TTC28: variants seen among roughly 807,000 people sequenced by gnomAD.
TTC28 encodes the protein tetratricopeptide repeat domain 28.
A neutral mutation model predicts 198.0 loss-of-function variants in TTC28; 61 were observed. That is an observed-to-expected ratio of 0.31 (90% CI 0.25 to 0.38). The LOEUF (loss-of-function observed/expected upper bound fraction) is 0.38, where lower values mean the gene tolerates loss of function less well. Among genes scored for constraint, TTC28 ranks in the 10% least tolerant of loss-of-function variants. The pLI is 1.00. For synonymous variants in TTC28, 1,171 were observed against 1,297.8 expected (o/e 0.90, Z 2.10); for missense variants, 2,678 against 3,164.0 (o/e 0.85, Z 3.69).
At chr22:28,347,263 CAA>C (rs2045917792) in intron 2 of TTC28, among the ~76,000 whole-genome samples, 1 of 108,558 alleles carries the variant, frequency 9.2e-6, no homozygotes, top group African/African-American at 3.3e-5. Flanking sequence ...GACCCTGTCT[CAA>C]AAGAGGAAAA....
chr22:28,278,901 C>CCT (rs1195026428), intron 5 of TTC28, among the ~76,000 whole-genome samples: 3 of 152,128 alleles, frequency 2.0e-5, no homozygotes, highest in African/African-American at 7.2e-5. Flanking sequence ...GGGGTACGTA[C>CCT]AGCCAGGAAA....
At chr22:28,614,533 AC>A (rs2050870461) in intron 2 of TTC28, among the ~76,000 whole-genome samples, 1 of 152,222 alleles carries the variant, frequency 6.6e-6, no homozygotes, top group African/African-American at 2.4e-5. Flanking sequence ...ACACTACCTG[AC>A]TTCAAACTAT....
At chr22:28,676,639 G>A (rs939363828) in intron 1 of TTC28, among the ~76,000 whole-genome samples, 7 of 151,566 alleles carry the variant, frequency 4.6e-5, no homozygotes, top group East Asian at 3.9e-4. Flanking sequence ...CTTCTTCAGC[G>A]CAATCTCAAG....
At chr22:28,463,168 A>G (rs1568959590) in intron 2 of TTC28, among the ~76,000 whole-genome samples, 1 of 152,236 alleles carries the variant, frequency 6.6e-6, no homozygotes, top group South Asian at 2.1e-4. Flanking sequence ...GTTGAAAGAA[A>G]CAGAGCTGGA....
chr22:28,572,078 A>G (rs1293015409), intron 2 of TTC28, among the ~76,000 whole-genome samples: 1 of 152,106 alleles, frequency 6.6e-6, no homozygotes, highest in East Asian at 1.9e-4. Flanking sequence ...TCATGCCTGT[A>G]ATCCCAACAC....
At chr22:28,425,548 A>G (rs894931776) in intron 2 of TTC28, among the ~76,000 whole-genome samples, 7 of 152,322 alleles carry the variant, frequency 4.6e-5, no homozygotes, top group Admixed American at 3.9e-4. Flanking sequence ...ACCCTCTCTG[A>G]TATATTGAAT....
intron 3 of TTC28, among the ~76,000 whole-genome samples, chr22:28,306,162 A>G (rs2045140740): frequency 6.6e-6 from 1 of 152,176 alleles, no homozygotes; most frequent in Non-Finnish European, 1.5e-5. Flanking sequence ...GAATTACAGA[A>G]TTTCAGACTA....
chr22:28,205,334 A>G (rs1926310955), intron 5 of TTC28, among the ~76,000 whole-genome samples: 1 of 151,988 alleles, frequency 6.6e-6, no homozygotes, highest in African/African-American at 2.4e-5. Flanking sequence ...TCTATGGCCT[A>G]TTTTTCCCAG....
At position 27,983,727 on chromosome 22, in the gene TTC28, G is replaced by C. The variant is rs61739455; in HGVS notation, c.5940C>G (p.Thr1980=). The change falls in exon 23 of 23, where the codon ACC becomes ACG. Residue 1980 remains threonine (T), a synonymous_variant. Coordinates refer to ENST00000397906, the MANE Select transcript of TTC28 (RefSeq NM_001145418.2). ...LGYQQPPFSP[T]GADSIASDAI... is the part of the protein sequence containing the mutation. ...CATCTGAGGCGATGCTGTCCGCACC[G>C]GTGGGAGAGAAGGGGGGTTGCTGGT... 2 of 1,551,588 alleles carry C rather than the reference G, an allele frequency of 1.3e-6. No homozygotes were observed. Among genetic ancestry groups the C allele is most frequent in the Non-Finnish European group, 1.7e-6 (2 of 1,146,944 alleles).
intron 5 of TTC28, among the ~76,000 whole-genome samples, chr22:28,179,273 C>T (rs1487621376): frequency 6.6e-6 from 1 of 151,710 alleles, no homozygotes; most frequent in Non-Finnish European, 1.5e-5. Flanking sequence ...GATTCTCCTG[C>T]CTCAACCTCC....
chr22:28,506,423 C>T (rs1056740832), intron 2 of TTC28, among the ~76,000 whole-genome samples: 1 of 152,162 alleles, frequency 6.6e-6, no homozygotes, highest in Non-Finnish European at 1.5e-5. Context: ...TGGGACAGAG[C>T]TCCCGGGGGG....
At chr22:28,157,548 C>A (rs1329602283) in intron 6 of TTC28, among the ~76,000 whole-genome samples, 2 of 152,010 alleles carry the variant, frequency 1.3e-5, no homozygotes, top group Non-Finnish European at 2.9e-5. Flanking sequence ...ACTAGCAAAC[C>A]AAATTCAACA....
chr22:28,370,501 AAACT>A (rs1300119751), intron 2 of TTC28, among the ~76,000 whole-genome samples: 2 of 152,218 alleles, frequency 1.3e-5, no homozygotes, highest in Non-Finnish European at 2.9e-5. Flanking sequence ...TTTTACATAA[AAACT>A]ATTCTATATC....
chr22:28,347,738 GGCAGACCACCTGTAATCCCAGCTACT>G (rs1474550819), intron 2 of TTC28, among the ~76,000 whole-genome samples: 3 of 152,260 alleles, frequency 2.0e-5, no homozygotes, highest in Admixed American at 2.0e-4. Context: ...CAGGTGTGGT[GGCAGACCACCTGTAATCCCAGCTACT>G]CAAGTGGCTG....
At chr22:28,147,359 CT>C (rs1471513116) in intron 6 of TTC28, among the ~76,000 whole-genome samples, 2 of 152,108 alleles carry the variant, frequency 1.3e-5, no homozygotes, top group African/African-American at 4.8e-5. Flanking sequence ...ACGTTTCCAC[CT>C]TGCATTAGGT....
intron 17 of TTC28, among the ~76,000 whole-genome samples, chr22:27,995,152 C>T (rs994245632): frequency 2.6e-4 from 40 of 152,214 alleles, no homozygotes; most frequent in African/African-American, 8.0e-4. Flanking sequence ...GCCCAACCCA[C>T]GGGCAAGAAG....
chr22:28,234,718 G>A (rs531594323), intron 5 of TTC28, among the ~76,000 whole-genome samples: 5 of 152,260 alleles, frequency 3.3e-5, no homozygotes, highest in African/African-American at 1.2e-4. Context: ...GAGAAGCTGA[G>A]ATCCCTTGGA....
chr22:28,028,826 T>C (rs1938951201), intron 13 of TTC28: 2 of 358,772 alleles, frequency 5.6e-6, no homozygotes, highest in Non-Finnish European at 1.1e-5. Context: ...TATTTATACA[T>C]TGGCTCCTTT....
At position 27,978,323 on chromosome 22, in the gene TTC28, CA is replaced by C. The variant is rs1458870547; in HGVS notation, c.*3897del. 1 of 152,234 alleles carries C rather than the reference CA, an allele frequency of 6.6e-6. No homozygotes were observed. Among genetic ancestry groups the C allele is most frequent in the Non-Finnish European group, 1.5e-5 (1 of 68,054 alleles). 9.4% of individuals were successfully genotyped at this position (152,234 alleles called of 1,614,324 possible). A position where few individuals can be genotyped will look rare whatever the true frequency, so the allele number is the denominator to read the frequency against. ...AAACAAGGGCCCAGTTCACAAACCA[CA>C]GGTACACTCATTTTAGATAGAACAG... On this transcript the variant is annotated 3_prime_UTR_variant, in exon 23 of 23. Coordinates refer to ENST00000397906, the MANE Select transcript of TTC28 (RefSeq NM_001145418.2).
Sources: allele counts gnomAD v4.1 joint callset (sites outside exome capture counted in the v4.1 genomes callset), GRCh38; gene constraint gnomAD v4.1.1; transcripts MANE v1.5; gene names NCBI Gene and HGNC (gene_info 2026-07-23, HGNC 2026-07-21).